Variants in ZNF584 observed in about 807,000 individuals in gnomAD.
The protein encoded by ZNF584 is zinc finger protein 584.
ZNF584 carries 12 observed loss-of-function variants against 14.7 expected under a neutral mutation model. The ratio of observed to expected loss-of-function variants is 0.82; its 90% CI spans 0.52 to 1.32. The LOEUF (loss-of-function observed/expected upper bound fraction) is 1.32, where lower values mean the gene tolerates loss of function less well. Ranked by LOEUF, ZNF584 falls within the 40% of genes most tolerant of loss-of-function variation. ZNF584 has a pLI of 0.00. For synonymous variants in ZNF584, 204 were observed against 190.9 expected (o/e 1.07, Z -0.57); for missense variants, 478 against 518.8 (o/e 0.92, Z 0.76).
chr19:58,410,565 A>T (rs1304386200), intron 2 of ZNF584, among the ~76,000 whole-genome samples: 1 of 6,200 alleles, frequency 1.6e-4, no homozygotes, highest in African/African-American at 6.7e-4. Context: ...ATATGTGTAT[A>T]TATATATGTA....
At position 58,416,862 on chromosome 19, in the gene ZNF584, G is replaced by GT; in HGVS notation, c.344_345insT (p.Tyr116LeufsTer11). Reference sequence around the variant, plus strand: ...AGAGCCCATCCTGAGCATCTAAAGAGCTACAGAGTCATCCAGCACCAGGAC... The same window carrying GT: ...AGAGCCCATCCTGAGCATCTAAAGAGTCTACAGAGTCATCCAGCACCAGGAC... On this transcript the variant is annotated frameshift_variant, in exon 4 of 4. Coordinates refer to ENST00000306910, the MANE Select transcript of ZNF584 (RefSeq NM_173548.3). LOFTEE classifies it low-confidence loss of function (END_TRUNC). 1 of 1,597,646 alleles carries GT rather than the reference G, an allele frequency of 6.3e-7. No homozygotes were observed. The highest frequency in any genetic ancestry group is 8.5e-7 in the Non-Finnish European group (1 of 1,172,224).
At chr19:58,412,756 C>T (rs560225176) in intron 2 of ZNF584, among the ~76,000 whole-genome samples, 23 of 152,248 alleles carry the variant, frequency 1.5e-4, no homozygotes, top group Non-Finnish European at 2.8e-4. Flanking sequence ...TTAGTATTCA[C>T]CTTTGAAGCC....
At chr19:58,411,012 G>C (rs551796360) in intron 2 of ZNF584, among the ~76,000 whole-genome samples, 1 of 150,834 alleles carries the variant, frequency 6.6e-6, no homozygotes, top group African/African-American at 2.4e-5. Flanking sequence ...GGCTGGTCTT[G>C]AACTCCGGAC....
intron 3 of ZNF584, chr19:58,416,253 T>A (rs951858492): frequency 2.4e-5 from 6 of 246,376 alleles, no homozygotes; most frequent in African/African-American, 1.3e-4. Context: ...CTTTTTTTTT[T>A]AAGATGGAGT....
intron 2 of ZNF584, among the ~76,000 whole-genome samples, chr19:58,411,522 G>A (rs1251753791): frequency 2.9e-5 from 3 of 103,266 alleles, no homozygotes; most frequent in Non-Finnish European, 5.7e-5. Flanking sequence ...GTGAAACTAC[G>A]TCTCAAAAAA....
chr19:58,409,475 C>T (rs2122207128), intron 1 of ZNF584, among the ~76,000 whole-genome samples: 1 of 152,306 alleles, frequency 6.6e-6, no homozygotes, highest in East Asian at 1.9e-4. Context: ...TTTAGGCATT[C>T]TGTTGTCCAG....
At chr19:58,410,312 A>G (rs2052528212) in intron 2 of ZNF584, among the ~76,000 whole-genome samples, 1 of 151,252 alleles carries the variant, frequency 6.6e-6, no homozygotes, top group Non-Finnish European at 1.5e-5. Flanking sequence ...CTCTTGCCCC[A>G]GGAGCTAGTG....
intron 1 of ZNF584, among the ~76,000 whole-genome samples, chr19:58,409,420 T>C (rs1283873772): frequency 6.6e-6 from 1 of 152,178 alleles, no homozygotes; most frequent in Non-Finnish European, 1.5e-5. Flanking sequence ...GGCCAGGCAA[T>C]TGCCTATAGG....
chr19:58,412,197 G>GCCTTTT lies in ZNF584; in HGVS notation c.169+2106_169+2107insCCTTTT, dbSNP rs1225346355. On this transcript the variant is annotated intron_variant, in intron 2 of 3. Coordinates refer to ENST00000306910, the MANE Select transcript of ZNF584 (RefSeq NM_173548.3). Reference sequence around the variant, plus strand: ...GGGTTTCACCATGTTGGCCAGGGTGGTCTTTTTTTTTTTTTTTTTTTTTGA... The same window carrying GCCTTTT: ...GGGTTTCACCATGTTGGCCAGGGTGGCCTTTTTCTTTTTTTTTTTTTTTTTTTTTGA... 1.7e-3 allele frequency among the ~76,000 whole-genome samples: 165 copies of GCCTTTT among 97,942 alleles called. 9 individuals carry two copies. Among genetic ancestry groups the GCCTTTT allele is most frequent in the African/African-American group, 8.9e-3 (159 of 17,948 alleles). The allele number at this position is 97,942 out of a possible 152,430, so 64.3% of individuals were successfully genotyped here.
At chr19:58,413,570 G>A (rs1022433295) in intron 2 of ZNF584, among the ~76,000 whole-genome samples, 6 of 147,510 alleles carry the variant, frequency 4.1e-5, no homozygotes, top group African/African-American at 7.5e-5. Flanking sequence ...GCAGTGGTGC[G>A]ATCTTGGCTC....
chr19:58,415,558 G>T lies in ZNF584; in HGVS notation c.204G>T (p.Gln68His). The T allele has an allele frequency of 6.2e-7, 1 of 1,613,944 alleles. No individual in the cohort carries two copies. ...CTTCGAGATCCCCTGTGTTTACCCA[G>T]CTGGAGGATGATGAACAGTCGTGGG... ...LAPSRSPVFT[Q>H]LEDDEQSWVP... The change falls in exon 3 of 4, where the codon CAG (glutamine) becomes CAT (histidine). Residue 68 changes from glutamine to histidine, a missense_variant. Transcript: ENST00000306910.
rs1173947833 is a variant in ZNF584, at chr19:58,418,252, A to G, written c.*468A>G. ...GTTGACATTACACATGGTATTTGTC[A>G]TGCCCTAGCATGGACTGTCTCATAC... On this transcript the variant is annotated 3_prime_UTR_variant, in exon 4 of 4. Transcript: ENST00000306910. 2 of 190,784 alleles carry G rather than the reference A, an allele frequency of 1.0e-5. No homozygotes were observed. The highest frequency in any genetic ancestry group is 2.2e-5 in the Non-Finnish European group (2 of 90,638). 11.8% of individuals were successfully genotyped at this position (190,784 alleles called of 1,614,324 possible).
chr19:58,402,464 C>T (rs987583671), intron 1 of ZNF584, among the ~76,000 whole-genome samples: 1 of 152,212 alleles, frequency 6.6e-6, no homozygotes, highest in African/African-American at 2.4e-5. Flanking sequence ...TCTACTTGTT[C>T]TTTCAAAACA....
chr19:58,413,357 A>G (rs575820565), intron 2 of ZNF584, among the ~76,000 whole-genome samples: 29 of 145,722 alleles, frequency 2.0e-4, no homozygotes, highest in Admixed American at 6.1e-4. Context: ...TTTTTTTTTA[A>G]TTTTTCTTTT....
At chr19:58,410,561 G>T (rs186812270) in intron 2 of ZNF584, among the ~76,000 whole-genome samples, 2 of 20,444 alleles carry the variant, frequency 9.8e-5, no homozygotes, top group African/African-American at 6.1e-4. Flanking sequence ...ATATATATGT[G>T]TATATATATA....
intron 2 of ZNF584, among the ~76,000 whole-genome samples, chr19:58,415,057 T>C (rs1414194191): frequency 8.7e-6 from 1 of 114,484 alleles, no homozygotes; most frequent in Admixed American, 7.9e-5. Flanking sequence ...CACATCCGCC[T>C]GATTTTTTTG....
upstream of ZNF584, among the ~76,000 whole-genome samples, chr19:58,404,013 G>A (rs1352177905): frequency 6.6e-6 from 1 of 151,042 alleles, no homozygotes; most frequent in Non-Finnish European, 1.5e-5. Flanking sequence ...AGTAGTGCCA[G>A]GAAAAACATA....
upstream of ZNF584, chr19:58,406,066 G>A (rs1053711359): frequency 1.4e-4 from 23 of 166,194 alleles, no homozygotes; most frequent in Non-Finnish European, 1.9e-4. Context: ...ATTGAGCACT[G>A]AATGAACGAG....
At chr19:58,415,182 T>A (rs181564006) in intron 2 of ZNF584, among the ~76,000 whole-genome samples, 1 of 151,482 alleles carries the variant, frequency 6.6e-6, no homozygotes, top group Non-Finnish European at 1.5e-5. Context: ...CGTGAGCCAC[T>A]GCGCCCGGCC....
Sources: allele counts gnomAD v4.1 joint callset (sites outside exome capture counted in the v4.1 genomes callset), GRCh38; gene constraint gnomAD v4.1.1; transcripts MANE v1.5; gene names NCBI Gene and HGNC (gene_info 2026-07-23, HGNC 2026-07-21).